Variants in ZNF282 observed in about 807,000 individuals in gnomAD.
ZNF282 encodes HTLV-I U5 repressive element-binding protein 1.
A neutral mutation model predicts 61.9 loss-of-function variants in ZNF282; 30 were observed. The observed-to-expected ratio is 0.48, with a 90% CI of 0.36 to 0.66. The LOEUF (loss-of-function observed/expected upper bound fraction) is 0.66. ZNF282 is among the 30% of genes least tolerant of loss of function. ZNF282 has a pLI of 0.00. For missense variants in ZNF282, 788 were observed against 941.4 expected (o/e 0.84, Z 2.13); for synonymous variants, 396 against 405.0 (o/e 0.98, Z 0.27).
Position 149,199,133 on chromosome 7 carries a change from G to T in ZNF282, c.585+381G>T, listed in dbSNP as rs887133386. ...TGCTCACCGGAATGTGGCTGGAGTCGCACCTCAAACCAGGCTGCCTGGAGT... is the reference window on the plus strand; with the variant it reads ...TGCTCACCGGAATGTGGCTGGAGTCTCACCTCAAACCAGGCTGCCTGGAGT... On this transcript the variant is annotated intron_variant, in intron 2 of 7. Coordinates refer to ENST00000610704, the MANE Select transcript of ZNF282 (RefSeq NM_003575.4). 3.3e-5 allele frequency among the ~76,000 whole-genome samples: 5 copies of T among 152,110 alleles called. 1 individual carries two copies. Among genetic ancestry groups the T allele is most frequent in the Admixed American group, 1.3e-4 (2 of 15,272 alleles).
At chr7:149,207,215 A>C in intron 3 of ZNF282, 136 bp from the exon 4 acceptor site, 1 of 1,177,096 alleles carries the variant, frequency 8.5e-7, no homozygotes, top group African/African-American at 1.5e-5. Context: ...TTACCCGCCT[A>C]ACTCGCATAA....
chr7:149,206,048 A>G (rs894281050), intron 2 of ZNF282, among the ~76,000 whole-genome samples: 2 of 152,196 alleles, frequency 1.3e-5, no homozygotes, highest in African/African-American at 4.8e-5. Context: ...TTTCTGTAAC[A>G]GATCCGAACA....
At chr7:149,213,629 T>C in intron 6 of ZNF282, 72 bp from the exon 7 acceptor site, 1 of 1,203,340 alleles carries the variant, frequency 8.3e-7, no homozygotes, top group African/African-American at 1.5e-5. Flanking sequence ...CATGGGATGG[T>C]TTTCAAACCT....
intron 2 of ZNF282, 183 bp from the exon 3 acceptor site, chr7:149,206,513 G>T: frequency 1.3e-6 from 1 of 795,466 alleles, no homozygotes; most frequent in Non-Finnish European, 2.0e-6. Flanking sequence ...CCGTGTTATT[G>T]AAAGCATGAG....
In ZNF282 at chr7:149,198,887, C is replaced by A; in HGVS notation, c.585+135C>A. The A allele has an allele frequency of 8.1e-7, 1 of 1,241,980 alleles. No homozygotes were observed. The highest frequency in any genetic ancestry group is 1.1e-6 in the Non-Finnish European group (1 of 917,084). The allele number at this position is 1,241,980 out of a possible 1,614,324, so 76.9% of individuals were successfully genotyped here. A position where few individuals can be genotyped will look rare whatever the true frequency, so the allele number is the denominator to read the frequency against. Reference sequence around the variant, plus strand: ...ATCCAATTTCAGTGTCTTCTTAAAGCCTGTCTCCACTGAAACAACCTGGTC... The same window carrying A: ...ATCCAATTTCAGTGTCTTCTTAAAGACTGTCTCCACTGAAACAACCTGGTC... On this transcript the variant is annotated intron_variant, in intron 2 of 7. Coordinates refer to ENST00000610704, the MANE Select transcript of ZNF282 (RefSeq NM_003575.4). The surrounding 1 kb of genome is among the most constrained non-coding windows in gnomAD (Gnocchi z 4.3).
intron 5 of ZNF282, 62 bp from the exon 6 acceptor site, chr7:149,212,296 C>T (rs1796096871): frequency 3.4e-6 from 4 of 1,159,894 alleles, no homozygotes; most frequent in East Asian, 5.1e-5. Context: ...TTACTCAAAA[C>T]ACAAACTTGC....
chr7:149,207,934 G>A (rs1048173650), intron 4 of ZNF282, among the ~76,000 whole-genome samples: 2 of 152,202 alleles, frequency 1.3e-5, no homozygotes, highest in South Asian at 2.1e-4. Flanking sequence ...CCTGCAAGCC[G>A]CTTGCCTCAC....
At chr7:149,210,901 A>G (rs1358104397) in intron 5 of ZNF282, among the ~76,000 whole-genome samples, 197 bp downstream of exon 5, 2 of 152,188 alleles carry the variant, frequency 1.3e-5, no homozygotes, top group Non-Finnish European at 2.9e-5. Flanking sequence ...CAGCATTGAC[A>G]ATTTGCTGGT....
intron 1 of ZNF282, among the ~76,000 whole-genome samples, chr7:149,196,862 C>T (rs904951266): frequency 2.2e-4 from 33 of 152,100 alleles, no homozygotes; most frequent in African/African-American, 7.2e-4. Context: ...TGCTGTGTCC[C>T]GGAGCAGGTC....
intron 7 of ZNF282, among the ~76,000 whole-genome samples, chr7:149,216,061 T>C (rs371628681): frequency 3.3e-5 from 5 of 152,332 alleles, no homozygotes; most frequent in African/African-American, 9.6e-5. Context: ...CTACTTAAGT[T>C]TGGATATCAT....
rs200623057 is a variant in ZNF282, at chr7:149,213,652, C to T, written c.1067-49C>T. On this transcript the variant is annotated intron_variant, in intron 6 of 7. Coordinates refer to ENST00000610704, the MANE Select transcript of ZNF282 (RefSeq NM_003575.4). ...GGTTTTCAAACCTTTGATGGGAGGC[C>T]GAGTAGAACTGAACAAAATCTAAGA... 5.9e-5 allele frequency: 85 copies of T among 1,430,268 alleles called. No homozygotes were observed. In the African/African-American group the frequency reaches 9.8e-4, roughly 17 times the overall value. 88.6% of individuals were successfully genotyped at this position (1,430,268 alleles called of 1,614,324 possible). A position where few individuals can be genotyped will look rare whatever the true frequency, so the allele number is the denominator to read the frequency against.
intron 7 of ZNF282, among the ~76,000 whole-genome samples, chr7:149,218,511 G>A (rs1218621143): frequency 1.3e-5 from 2 of 152,148 alleles, no homozygotes; most frequent in Non-Finnish European, 2.9e-5. Context: ...AAAATTTGAG[G>A]TGACACTCAA....
chr7:149,223,561 C>A (rs539252723), intron 7 of ZNF282, among the ~76,000 whole-genome samples: 3 of 152,342 alleles, frequency 2.0e-5, no homozygotes, highest in African/African-American at 7.2e-5. Flanking sequence ...TACCCCTTAG[C>A]CCTCAGCGTT....
At chr7:149,214,453 G>C (rs1796132761) in intron 7 of ZNF282, among the ~76,000 whole-genome samples, 1 of 152,136 alleles carries the variant, frequency 6.6e-6, no homozygotes, top group Admixed American at 6.6e-5. Flanking sequence ...ATGGCAGGGA[G>C]GGGAGGAAGG....
chr7:149,218,260 T>C (rs1485854104), intron 7 of ZNF282, among the ~76,000 whole-genome samples: 2 of 151,992 alleles, frequency 1.3e-5, no homozygotes, highest in Non-Finnish European at 2.9e-5. Context: ...AGTGGAGAGA[T>C]GCTGGTGGTC....
At chr7:149,217,394 A>G (rs1796173670) in intron 7 of ZNF282, among the ~76,000 whole-genome samples, 1 of 152,054 alleles carries the variant, frequency 6.6e-6, no homozygotes, top group Non-Finnish European at 1.5e-5. Context: ...AAAAACAAAC[A>G]AACAAACAAA....
intron 2 of ZNF282, among the ~76,000 whole-genome samples, chr7:149,203,415 A>G (rs1308898523): frequency 6.6e-6 from 1 of 152,208 alleles, no homozygotes; most frequent in East Asian, 1.9e-4. Flanking sequence ...TTATACAATC[A>G]TAGCTCATGC....
chr7:149,208,049 C>T (rs1473739022), intron 4 of ZNF282, among the ~76,000 whole-genome samples: 1 of 152,176 alleles, frequency 6.6e-6, no homozygotes, highest in Non-Finnish European at 1.5e-5. Flanking sequence ...GGTTCTAGGC[C>T]TGCCTCTGCC....
chr7:149,210,135 C>T (rs563465150), intron 4 of ZNF282, among the ~76,000 whole-genome samples: 10 of 152,224 alleles, frequency 6.6e-5, no homozygotes, highest in African/African-American at 1.9e-4. Context: ...TATATATACA[C>T]GTGTGTGTGC....
Sources: gnomAD v4.1 joint callset for allele counts (sites outside exome capture counted in the v4.1 genomes callset) on GRCh38, gnomAD v4.1.1 for gene constraint, Gnocchi (gnomAD v3.1) non-coding constraint, MANE v1.5 for transcripts, NCBI Gene and HGNC (gene_info 2026-07-23, HGNC 2026-07-21) for gene names.